Variants in ARHGEF9 observed in about 807,000 individuals in gnomAD.
The protein encoded by ARHGEF9 is rho guanine nucleotide exchange factor 9.
In ARHGEF9, 2 loss-of-function variants were observed where a neutral mutation model predicts 41.3. The ratio of observed to expected loss-of-function variants is 0.05; its 90% confidence interval spans 0.02 to 0.15. The LOEUF (loss-of-function observed/expected upper bound fraction) is 0.15. Ranked by LOEUF, ARHGEF9 falls within the 10% of genes least tolerant of loss-of-function variation. The probability of loss-of-function intolerance (pLI) is 1.00; values close to 1 mark genes in which losing one functional copy is unlikely to be tolerated. For missense variants in ARHGEF9, 225 were observed against 424.7 expected (o/e 0.53, Z 4.13); for synonymous variants, 160 against 154.4 (o/e 1.04, Z -0.27).
At chrX:63,640,479 G>C (rs1174862285) in intron 9 of ARHGEF9, 1 of 111,994 alleles carries the variant, frequency 8.9e-6, no homozygotes. Flanking sequence ...CTGGCCCCAA[G>C]GCCTCTGGAG....
intron 1 of ARHGEF9, chrX:63,754,287 A>T: frequency 8.3e-7 from 1 of 1,208,999 alleles, no homozygotes; most frequent in South Asian, 1.8e-5. Context: ...CAAAAGATTT[A>T]GGGAGAGATA....
intron 1 of ARHGEF9, among the ~76,000 whole-genome samples, chrX:63,761,227 T>C (rs1383210035): frequency 8.9e-6 from 1 of 111,765 alleles, no homozygotes; most frequent in African/African-American, 3.3e-5. Context: ...GTTTGAGCTT[T>C]TGGGGAGACA....
At chrX:63,742,725 G>A (rs139391666) in intron 1 of ARHGEF9, among the ~76,000 whole-genome samples, 29 of 111,599 alleles carry the variant, frequency 2.6e-4, no homozygotes, top group South Asian at 3.8e-4. Context: ...GAGAGAAAGC[G>A]TCCAAACTAA....
chrX:63,737,987 C>T (rs1204877713), intron 1 of ARHGEF9, among the ~76,000 whole-genome samples: 2 of 111,750 alleles, frequency 1.8e-5, no homozygotes, highest in African/African-American at 6.5e-5. Context: ...CATATAATAA[C>T]TCATTTGATC....
intron 3 of ARHGEF9, among the ~76,000 whole-genome samples, chrX:63,705,357 A>ATGTGTGTGTGTGTG (rs58549005): frequency 1.2e-5 from 1 of 82,096 alleles, no homozygotes; most frequent in Non-Finnish European, 2.4e-5. Flanking sequence ...ATAAGAGAGA[A>ATGTGTGTGTGTGTG]TGTGTGTGTG....
At chrX:63,727,992 G>T (rs1556418099) in intron 1 of ARHGEF9, among the ~76,000 whole-genome samples, 1 of 111,390 alleles carries the variant, frequency 9.0e-6, no homozygotes, top group Non-Finnish European at 1.9e-5. Flanking sequence ...CTATAAAATG[G>T]GGATAATTCT....
chrX:63,742,111 T>A (rs2054998266), intron 1 of ARHGEF9, among the ~76,000 whole-genome samples: 1 of 112,426 alleles, frequency 8.9e-6, no homozygotes, highest in Non-Finnish European at 1.9e-5. Flanking sequence ...ACTTCCTGAA[T>A]GTGGTAATCA....
At chrX:63,655,761 T>C (rs1424345379) in intron 7 of ARHGEF9, 24 bp from the exon 8 acceptor site, 3 of 1,204,043 alleles carry the variant, frequency 2.5e-6, no homozygotes, top group Non-Finnish European at 3.4e-6. Context: ...AAGAGGTTTC[T>C]TGAAGGTATG....
intron 2 of ARHGEF9, among the ~76,000 whole-genome samples, chrX:63,717,953 G>T (rs868923989): frequency 1.8e-5 from 2 of 112,050 alleles, no homozygotes; most frequent in South Asian, 7.5e-4. Context: ...AGAAGCTCCA[G>T]AAAGACAGAT....
chrX:63,657,636 C>T (rs2048956439), intron 7 of ARHGEF9: 1 of 111,451 alleles, frequency 9.0e-6, no homozygotes, highest in Non-Finnish European at 1.9e-5. Context: ...GCCAATGTTG[C>T]CCCAAGCCTA....
chrX:63,747,084 G>T (rs2055320765), intron 1 of ARHGEF9, among the ~76,000 whole-genome samples: 1 of 112,458 alleles, frequency 8.9e-6, no homozygotes, highest in South Asian at 3.7e-4. Context: ...TTACCTGCTA[G>T]ATTTAAATAA....
At chrX:63,647,114 T>C (rs782634909) in intron 8 of ARHGEF9, among the ~76,000 whole-genome samples, 3 of 111,670 alleles carry the variant, frequency 2.7e-5, no homozygotes, top group African/African-American at 9.8e-5. Context: ...TGCTTATCAG[T>C]TTAAGGAGAT....
At position 63,642,012 on chromosome X, in the gene ARHGEF9, T is replaced by C. The variant is rs782156644; in HGVS notation, c.1390+1968A>G. The C allele has an allele frequency of 2.6e-5, 3 of 113,396 alleles. No homozygotes were observed. The East Asian group carries it at 8.3e-4, about 31-fold the overall frequency. The allele number at this position is 113,396 out of a possible 1,213,427, so 9.3% of individuals were successfully genotyped here. ...AGCTTTGAGACTCGGACTGACTTCC[T>C]TGCTCCTCAGCTTGCAGATGGCCTA... On this transcript the variant is annotated intron_variant, in intron 9 of 9. Transcript: ENST00000671741.
chrX:63,735,872 T>G (rs2054589065), intron 1 of ARHGEF9, among the ~76,000 whole-genome samples: 1 of 111,668 alleles, frequency 9.0e-6, no homozygotes, highest in South Asian at 3.8e-4. Context: ...AAGTGGAAGA[T>G]AGTTTCCAGT....
chrX:63,661,528 A>T (rs1424001574), intron 7 of ARHGEF9, among the ~76,000 whole-genome samples: 1 of 112,200 alleles, frequency 8.9e-6, no homozygotes, highest in East Asian at 2.8e-4. Context: ...TCAAAAACTA[A>T]AATAAAAATT....
chrX:63,724,184 G>C (rs2053820450), intron 2 of ARHGEF9, among the ~76,000 whole-genome samples: 1 of 110,807 alleles, frequency 9.0e-6, no homozygotes, highest in Non-Finnish European at 1.9e-5. Flanking sequence ...AGAGAGATAA[G>C]AAAGACAAAA....
chrX:63,757,080 A>C lies in ARHGEF9; in HGVS notation c.30+28036T>G, dbSNP rs1483099646. Among the ~76,000 whole-genome samples the C allele has an allele frequency of 3.6e-5, 4 of 112,014 alleles. No individual in the cohort carries two copies. The East Asian group carries it at 1.1e-3, about 31-fold the overall frequency. On this transcript the variant is annotated intron_variant, in intron 1 of 9. Coordinates refer to ENST00000671741, the MANE Select transcript of ARHGEF9 (RefSeq NM_001353921.2). ...CACCATCCACATGACCTGTATGTTT[A>C]TGCTGTCTTCACTTCCTGCATGGGT...
At chrX:63,742,695 C>A (rs781890203) in intron 1 of ARHGEF9, among the ~76,000 whole-genome samples, 1 of 112,039 alleles carries the variant, frequency 8.9e-6, no homozygotes, top group African/African-American at 3.2e-5. Flanking sequence ...TCTTTAAGAA[C>A]ATGGCCAGAT....
At chrX:63,691,217 A>G (rs1389620354) in intron 4 of ARHGEF9, among the ~76,000 whole-genome samples, 6 of 111,717 alleles carry the variant, frequency 5.4e-5, no homozygotes, top group African/African-American at 1.9e-4. Flanking sequence ...AGATGATATA[A>G]TCTTATATTT....
Sources: allele counts gnomAD v4.1 joint callset (sites outside exome capture counted in the v4.1 genomes callset), GRCh38; gene constraint gnomAD v4.1.1; transcripts MANE v1.5; gene names NCBI Gene and HGNC (gene_info 2026-07-23, HGNC 2026-07-21).